Variants in MYOF observed in about 807,000 individuals in gnomAD.
The protein encoded by MYOF is fer-1-like 3, myoferlin.
A neutral mutation model predicts 284.2 loss-of-function variants in MYOF; 244 were observed. The observed-to-expected ratio is 0.86, with a 90% CI of 0.77 to 0.95. MYOF has a LOEUF of 0.95. Among genes scored for constraint, MYOF ranks in the 40% least tolerant of loss-of-function variants. The pLI, the probability that MYOF is intolerant of heterozygous loss-of-function variation, is 0.00. For synonymous variants in MYOF, 904 were observed against 919.7 expected, an observed-to-expected ratio of 0.98 and a Z score of 0.31; for missense variants, 2,496 against 2,560.6, an observed-to-expected ratio of 0.97 and a Z score of 0.54.
intron 7 of MYOF, among the ~76,000 whole-genome samples, chr10:93,404,757 T>C (rs79627986): frequency 0.015 from 2,237 of 152,230 alleles, 55 homozygotes; most frequent in African/African-American, 0.051. Context: ...ATTTCTCTAA[T>C]ATCTTTAGCT....
intron 5 of MYOF, among the ~76,000 whole-genome samples, chr10:93,413,081 C>T (rs57358319): frequency 0.075 from 11,354 of 152,154 alleles, 1,359 homozygotes; most frequent in African/African-American, 0.26. Context: ...GCCATAATTA[C>T]AGCATTTTAG....
At chr10:93,312,618 C>T (rs1195728108) in intron 51 of MYOF, among the ~76,000 whole-genome samples, 2 of 151,878 alleles carry the variant, frequency 1.3e-5, no homozygotes, top group African/African-American at 2.4e-5. Flanking sequence ...CCTTGGATTA[C>T]AGGCATGAGC....
At chr10:93,465,519 TCTTTCTTTTTTTTCTTTTC>T in intron 1 of MYOF, among the ~76,000 whole-genome samples, 1 of 104,208 alleles carries the variant, frequency 9.6e-6, no homozygotes, top group Non-Finnish European at 2.1e-5. Context: ...TTTTCTTTTT[TCTTTCTTTTTTTTCTTTTC>T]TTTTTTTTTT....
intron 1 of MYOF, among the ~76,000 whole-genome samples, chr10:93,460,624 G>C (rs901929555): frequency 2.0e-5 from 3 of 151,824 alleles, no homozygotes; most frequent in African/African-American, 7.3e-5. Context: ...AATATTAGCC[G>C]GGCATGGTGG....
intron 38 of MYOF, among the ~76,000 whole-genome samples, chr10:93,343,183 T>C (rs1844008243): frequency 2.0e-5 from 3 of 152,216 alleles, no homozygotes; most frequent in Admixed American, 1.3e-4. Flanking sequence ...GGGAGATATT[T>C]GGTGTTTCCT....
chr10:93,312,761 A>G (rs776371085), intron 51 of MYOF, among the ~76,000 whole-genome samples: 11 of 152,164 alleles, frequency 7.2e-5, no homozygotes, highest in Non-Finnish European at 1.6e-4. Context: ...AAATATAGTG[A>G]AACCACCTGG....
chr10:93,378,657 GTA>G lies in MYOF; in HGVS notation c.2001+1204_2001+1205del. On this transcript the variant is annotated intron_variant, in intron 21 of 53. Transcript: ENST00000359263. ...AGCACTACCTGATAGGAGTAACTTA[GTA>G]TATGTGTATATGTGTGTGTGTATGT... Among the ~76,000 whole-genome samples the G allele has an allele frequency of 2.2e-5, 3 of 135,662 alleles. 1 individual carries two copies. The Middle Eastern group carries it at 0.011, about 514-fold the overall frequency. 89.0% of individuals were successfully genotyped at this position (135,662 alleles called of 152,430 possible).
chr10:93,354,566 A>G (rs757263702), intron 31 of MYOF, among the ~76,000 whole-genome samples: 1 of 152,122 alleles, frequency 6.6e-6, no homozygotes, highest in Non-Finnish European at 1.5e-5. Context: ...TCAGCATCAG[A>G]TCTGGGAAAC....
At chr10:93,310,212 T>C (rs748998151) in intron 52 of MYOF, 45 bp from the exon 53 acceptor site, 1 of 1,598,330 alleles carries the variant, frequency 6.3e-7, no homozygotes, top group Non-Finnish European at 8.6e-7. Context: ...TCAGGAGGGA[T>C]GCATATTTTA....
chr10:93,390,642 T>C (rs746520731), intron 17 of MYOF, among the ~76,000 whole-genome samples: 7 of 152,208 alleles, frequency 4.6e-5, no homozygotes, highest in Non-Finnish European at 1.0e-4. Flanking sequence ...ATATGGAACA[T>C]TGCAAAGACG....
chr10:93,399,475 T>C lies in MYOF; in HGVS notation c.1138A>G (p.Thr380Ala), dbSNP rs780171436. Reference sequence around the variant, plus strand: ...TTGCCTCCAAATATTTCCTTTACTGTCTGTGAGAAGGCATCATCCACTGGA... The same window carrying C: ...TTGCCTCCAAATATTTCCTTTACTGCCTGTGAGAAGGCATCATCCACTGGA... ...IPQMDDAFSQ[T>A]VKEIFGGNAD... The change falls in exon 13 of 54, where the codon ACA becomes GCA. Residue 380 changes from threonine (T) to alanine (A), a missense_variant. By Grantham distance (58) the Thr-to-Ala change is moderately conservative (BLOSUM62 0). This residue lies in a region of MYOF where 2,436 missense variants were observed against 2,480.7 expected (regional missense o/e 0.98). Coordinates refer to ENST00000359263, the MANE Select transcript of MYOF (RefSeq NM_013451.4). 2 of 1,613,150 alleles carry C rather than the reference T, an allele frequency of 1.2e-6. No homozygotes were observed. Among genetic ancestry groups the C allele is most frequent in the South Asian group, 1.1e-5 (1 of 90,990 alleles).
chr10:93,387,996 G>T, intron 18 of MYOF, 83 bp from the exon 19 acceptor site: 1 of 1,087,360 alleles, frequency 9.2e-7, no homozygotes, highest in African/African-American at 1.6e-5. Flanking sequence ...TAATACAACT[G>T]CAAAAAGTTT....
chr10:93,364,639 G>C (rs764874158), intron 26 of MYOF, among the ~76,000 whole-genome samples: 5 of 152,050 alleles, frequency 3.3e-5, no homozygotes, highest in Non-Finnish European at 7.4e-5. Flanking sequence ...ACTCCATTTG[G>C]GCATTTGGGA....
chr10:93,320,655 A>G (rs895609104), intron 48 of MYOF, among the ~76,000 whole-genome samples: 5 of 152,166 alleles, frequency 3.3e-5, no homozygotes, highest in Admixed American at 6.5e-5. Flanking sequence ...GGCACATAGT[A>G]GACACTAGAT....
chr10:93,312,883 A>G, intron 51 of MYOF, 137 bp downstream of exon 51: 1 of 905,236 alleles, frequency 1.1e-6, no homozygotes, highest in Non-Finnish European at 1.6e-6. Flanking sequence ...TCCCAAAGAC[A>G]AACTGTTCCC....
chr10:93,394,394 G>T (rs1012439862), intron 16 of MYOF, among the ~76,000 whole-genome samples: 4 of 144,488 alleles, frequency 2.8e-5, no homozygotes, highest in Non-Finnish European at 6.0e-5. Flanking sequence ...GAGCCACTGC[G>T]CCCAGCCATG....
At chr10:93,472,856 A>T (rs2057180777) in intron 1 of MYOF, among the ~76,000 whole-genome samples, 1 of 152,148 alleles carries the variant, frequency 6.6e-6, no homozygotes, top group Admixed American at 6.6e-5. Flanking sequence ...AGGACTCTGT[A>T]TGTCCCTGCA....
At chr10:93,471,369 G>T (rs778562900) in intron 1 of MYOF, among the ~76,000 whole-genome samples, 1 of 150,834 alleles carries the variant, frequency 6.6e-6, no homozygotes, top group Non-Finnish European at 1.5e-5. Context: ...TCCTTTTTCA[G>T]ACTGGATCCT....
chr10:93,405,380 C>G (rs1328020213), intron 7 of MYOF, among the ~76,000 whole-genome samples: 1 of 152,226 alleles, frequency 6.6e-6, no homozygotes, highest in East Asian at 1.9e-4. Context: ...TTTTGAGTCT[C>G]TTCAGCTTCC....
Sources: gnomAD v4.1 joint callset for allele counts (sites outside exome capture counted in the v4.1 genomes callset) on GRCh38, gnomAD v4.1.1 for gene constraint, gnomAD v4.1.1 regional missense constraint, MANE v1.5 for transcripts, NCBI Gene and HGNC (gene_info 2026-07-23, HGNC 2026-07-21) for gene names.